MGAT5: variants seen among roughly 807,000 people sequenced by gnomAD.
MGAT5 encodes alpha-1,6-mannosylglycoprotein 6-beta-N-acetylglucosaminyltransferase A.
MGAT5 carries 30 observed loss-of-function variants against 94.3 expected under a neutral mutation model. That is an observed-to-expected ratio of 0.32 (90% CI 0.24 to 0.43). The LOEUF (loss-of-function observed/expected upper bound fraction) is 0.43. Ranked by LOEUF, MGAT5 falls within the 20% of genes least tolerant of loss-of-function variation. The pLI, the probability that MGAT5 is intolerant of heterozygous loss-of-function variation, is 1.00. For synonymous variants in MGAT5, 310 were observed against 322.9 expected (o/e 0.96, Z 0.43); for missense variants, 691 against 905.5 (o/e 0.76, Z 3.04).
intron 10 of MGAT5, among the ~76,000 whole-genome samples, chr2:134,382,338 T>G (rs1681685246): frequency 6.6e-6 from 1 of 151,980 alleles, no homozygotes; most frequent in African/African-American, 2.4e-5. Flanking sequence ...GCTCCCCAGG[T>G]GATTATAATA....
chr2:134,141,901 A>C (rs1481583980), intron 1 of MGAT5, among the ~76,000 whole-genome samples: 1 of 152,198 alleles, frequency 6.6e-6, no homozygotes, highest in Non-Finnish European at 1.5e-5. Context: ...AGTGGAGAGC[A>C]CCTGAAAGGT....
intron 2 of MGAT5, among the ~76,000 whole-genome samples, chr2:134,309,154 CCT>C (rs1270118990): frequency 6.6e-6 from 1 of 152,202 alleles, no homozygotes; most frequent in African/African-American, 2.4e-5. Flanking sequence ...TGGATTAGCA[CCT>C]CATTCCTTTT....
chr2:134,379,867 C>A (rs1681427916), intron 10 of MGAT5, among the ~76,000 whole-genome samples: 1 of 152,200 alleles, frequency 6.6e-6, no homozygotes, highest in Non-Finnish European at 1.5e-5. Context: ...CATCTGAGAG[C>A]TGTGTTCTTG....
intron 15 of MGAT5, among the ~76,000 whole-genome samples, chr2:134,447,825 G>A (rs1258466936): frequency 6.6e-6 from 1 of 152,254 alleles, no homozygotes; most frequent in African/African-American, 2.4e-5. Context: ...TCCACCGCCT[G>A]AGACCACTCA....
At chr2:134,153,271 G>A (rs1687312655) in intron 1 of MGAT5, among the ~76,000 whole-genome samples, 1 of 152,158 alleles carries the variant, frequency 6.6e-6, no homozygotes, top group Non-Finnish European at 1.5e-5. Flanking sequence ...ATAACTTAAG[G>A]AGCACTGTGA....
chr2:134,312,614 G>A (rs534881228), intron 2 of MGAT5, among the ~76,000 whole-genome samples: 14 of 152,274 alleles, frequency 9.2e-5, no homozygotes, highest in African/African-American at 2.4e-4. Context: ...TGGGAGTACC[G>A]ACGGGTAGAG....
intron 10 of MGAT5, among the ~76,000 whole-genome samples, chr2:134,363,551 A>T (rs770266381): frequency 1.3e-5 from 2 of 152,230 alleles, no homozygotes; most frequent in Non-Finnish European, 2.9e-5. Context: ...GGAACATCTG[A>T]CAGTGTCTGG....
chr2:134,439,495 G>A (rs71417508), intron 14 of MGAT5, among the ~76,000 whole-genome samples: 25,708 of 152,098 alleles, frequency 0.17, 2,854 homozygotes, highest in East Asian at 0.39. Flanking sequence ...TCAGGAGTTC[G>A]AGACCAGCCT....
chr2:134,148,827 C>T (rs1019031208), intron 1 of MGAT5, among the ~76,000 whole-genome samples: 14 of 137,428 alleles, frequency 1.0e-4, no homozygotes, highest in Middle Eastern at 4.3e-3. Flanking sequence ...AGTGTGATCT[C>T]GGCTCACCGC....
intron 10 of MGAT5, among the ~76,000 whole-genome samples, chr2:134,367,638 A>G (rs996218549): frequency 4.6e-5 from 7 of 152,234 alleles, no homozygotes; most frequent in African/African-American, 1.7e-4. Flanking sequence ...CACATTGGCC[A>G]ACAGTCCCTG....
At chr2:134,176,126 A>AC (rs1688452450) in intron 1 of MGAT5, among the ~76,000 whole-genome samples, 1 of 152,118 alleles carries the variant, frequency 6.6e-6, no homozygotes. Flanking sequence ...AGAGAGAGGT[A>AC]CCACCTTGAG....
chr2:134,319,919 C>T, intron 4 of MGAT5: 1 of 254,534 alleles, frequency 3.9e-6, no homozygotes, highest in Non-Finnish European at 7.9e-6. Flanking sequence ...TTTTAGAGCA[C>T]TTCTTTTTCT....
intron 1 of MGAT5, among the ~76,000 whole-genome samples, chr2:134,121,683 G>T (rs1257884236): frequency 6.6e-6 from 1 of 152,246 alleles, no homozygotes. Context: ...ACTCAGTTGT[G>T]TGTGGGGTTC....
chr2:134,311,951 C>G (rs911019375), intron 2 of MGAT5, among the ~76,000 whole-genome samples: 3 of 152,122 alleles, frequency 2.0e-5, no homozygotes, highest in South Asian at 2.1e-4. Flanking sequence ...ACAAATGATT[C>G]ATTAAGATTT....
chr2:134,260,831 T>A (rs1683288575), intron 1 of MGAT5, among the ~76,000 whole-genome samples: 1 of 150,912 alleles, frequency 6.6e-6, no homozygotes. Flanking sequence ...GGGAAAAAAA[T>A]AGCTGGGCTG....
At chr2:134,284,226 A>G (rs1684872541) in intron 2 of MGAT5, among the ~76,000 whole-genome samples, 1 of 152,162 alleles carries the variant, frequency 6.6e-6, no homozygotes, top group Non-Finnish European at 1.5e-5. Context: ...TAGCTGCCAT[A>G]CTGTTGAACT....
At chr2:134,197,594 G>T (rs1679559600) in intron 1 of MGAT5, among the ~76,000 whole-genome samples, 1 of 147,530 alleles carries the variant, frequency 6.8e-6, no homozygotes, top group Non-Finnish European at 1.5e-5. Flanking sequence ...AAGTATGAAG[G>T]ATTTGCTTCT....
intron 1 of MGAT5, among the ~76,000 whole-genome samples, chr2:134,150,668 G>A (rs1308421179): frequency 6.6e-6 from 1 of 152,130 alleles, no homozygotes; most frequent in African/African-American, 2.4e-5. Context: ...TATTTAAAAA[G>A]TGAAAAAGTA....
At chr2:134,390,991 A>G (rs1388300034) in intron 10 of MGAT5, among the ~76,000 whole-genome samples, 1 of 151,898 alleles carries the variant, frequency 6.6e-6, no homozygotes, top group Non-Finnish European at 1.5e-5. Context: ...TTGGACTCCT[A>G]TTTCTTTTAG....
Sources: allele counts gnomAD v4.1 joint callset (sites outside exome capture counted in the v4.1 genomes callset), GRCh38; gene constraint gnomAD v4.1.1; transcripts MANE v1.5; gene names NCBI Gene and HGNC (gene_info 2026-07-23, HGNC 2026-07-21).